Variants in ZNF398 observed in about 807,000 individuals in gnomAD.
ZNF398 encodes the protein zinc finger DNA binding protein ZER6.
A neutral mutation model predicts 41.9 loss-of-function variants in ZNF398; 18 were observed. The ratio of observed to expected loss-of-function variants is 0.43; its 90% CI spans 0.30 to 0.64. The LOEUF is 0.64. Ranked by LOEUF, ZNF398 falls within the 30% of genes least tolerant of loss-of-function variation. ZNF398 has a pLI of 0.14. For missense variants in ZNF398, 669 were observed against 822.8 expected, an observed-to-expected ratio of 0.81 and a Z score of 2.29; for synonymous variants, 260 against 308.8, an observed-to-expected ratio of 0.84 and a Z score of 1.66.
rs150340321 is a variant in ZNF398, at chr7:149,179,558, C to T, written c.1686C>T (p.Thr562=). The stretch of plus-strand genomic sequence containing the variant: ...TAATGAAACACCAGCGCATCCACAC[C>T]GGGGAGCGGCCCTACCCCTGCTCCT... ...HHLMKHQRIH[T]GERPYPCSYC... The change falls in exon 6 of 6, where the codon ACC becomes ACT. Residue 562 remains threonine, a synonymous_variant. Coordinates refer to ENST00000475153, the MANE Select transcript of ZNF398 (RefSeq NM_170686.3). This position sits in a 1 kb window ranked among gnomAD's most constrained non-coding sequence, Gnocchi z 6.1. 35 of 1,614,206 alleles carry T rather than the reference C, an allele frequency of 2.2e-5. No homozygotes were observed. The highest frequency in any genetic ancestry group is 3.3e-4 in the Middle Eastern group (2 of 6,062).
At chr7:149,166,991 A>C (rs1232524018) in intron 4 of ZNF398, 61 bp downstream of exon 4, 12 of 1,230,560 alleles carry the variant, frequency 9.8e-6, no homozygotes, top group Non-Finnish European at 1.4e-5. Context: ...ATGGTGGCTC[A>C]GAGCTAAGCA....
Position 149,171,758 on chromosome 7 carries a change from C to T in ZNF398, c.662-4710C>T, listed in dbSNP as rs572286560. On this transcript the variant is annotated intron_variant, in intron 4 of 5. Coordinates refer to ENST00000475153, the MANE Select transcript of ZNF398 (RefSeq NM_170686.3). ...TGTGATCTTGGCTCACTGCAACCTCCGCCTCCCAGGTTCAAGTGATTCTCC... is the reference window on the plus strand; with the variant it reads ...TGTGATCTTGGCTCACTGCAACCTCTGCCTCCCAGGTTCAAGTGATTCTCC... 4.0e-5 allele frequency among the ~76,000 whole-genome samples: 6 copies of T among 150,926 alleles called. No individual in the cohort carries two copies. The South Asian group carries it at 8.4e-4, about 21-fold the overall frequency.
At chr7:149,176,779 A>G (rs1007449307) in intron 5 of ZNF398, among the ~76,000 whole-genome samples, 198 bp downstream of exon 5, 1 of 152,232 alleles carries the variant, frequency 6.6e-6, no homozygotes, top group Non-Finnish European at 1.5e-5. Context: ...ACACTCTTAC[A>G]TGCAAAGACA....
At chr7:149,132,192 CTCTT>C in intron 2 of ZNF398, among the ~76,000 whole-genome samples, 1 of 109,242 alleles carries the variant, frequency 9.2e-6, no homozygotes, top group Non-Finnish European at 1.8e-5. Context: ...TATTCTCTCT[CTCTT>C]TTTTTTTTTT....
At chr7:149,150,095 A>G (rs980524343) in intron 1 of ZNF398, among the ~76,000 whole-genome samples, 1 of 152,222 alleles carries the variant, frequency 6.6e-6, no homozygotes, top group South Asian at 2.1e-4. Context: ...AGATTTAAAT[A>G]GGATGCAACT....
chr7:149,153,528 A>G (rs1794904809), intron 1 of ZNF398, among the ~76,000 whole-genome samples: 1 of 152,180 alleles, frequency 6.6e-6, no homozygotes, highest in Non-Finnish European at 1.5e-5. Context: ...GTGTGGTTGT[A>G]GTTTGTAAAC....
intron 2 of ZNF398, among the ~76,000 whole-genome samples, chr7:149,161,162 G>A (rs1795099087): frequency 6.6e-6 from 1 of 152,034 alleles, no homozygotes; most frequent in Non-Finnish European, 1.5e-5. Context: ...TCTTTGCTCT[G>A]GCTCCTTGCC....
intron 2 of ZNF398, among the ~76,000 whole-genome samples, chr7:149,130,091 A>T (rs984482988): frequency 6.7e-6 from 1 of 149,626 alleles, no homozygotes; most frequent in African/African-American, 2.5e-5. Flanking sequence ...GAGCCACTGC[A>T]CCCGGCCTAT....
intron 1 of ZNF398, among the ~76,000 whole-genome samples, chr7:149,127,215 C>T (rs1347011436): frequency 1.3e-5 from 2 of 152,082 alleles, no homozygotes; most frequent in African/African-American, 4.8e-5. Flanking sequence ...GAAAATCAAC[C>T]TCGCATTCTG....
At chr7:149,153,005 T>A in intron 1 of ZNF398, among the ~76,000 whole-genome samples, 1 of 151,856 alleles carries the variant, frequency 6.6e-6, no homozygotes, top group East Asian at 1.9e-4. Flanking sequence ...GTGTTACAGA[T>A]GTGCACCATC....
At chr7:149,160,297 G>A (rs879557230) in intron 2 of ZNF398, among the ~76,000 whole-genome samples, 1 of 152,138 alleles carries the variant, frequency 6.6e-6, no homozygotes, top group Non-Finnish European at 1.5e-5. Context: ...CAGATGTGGT[G>A]GTGGGGGCCT....
At chr7:149,177,993 A>G (rs1226761478) in intron 5 of ZNF398, among the ~76,000 whole-genome samples, 5 of 151,750 alleles carry the variant, frequency 3.3e-5, no homozygotes, top group African/African-American at 1.2e-4. Flanking sequence ...CTAAAAATAT[A>G]AAAATTACCT....
upstream of ZNF398, among the ~76,000 whole-genome samples, chr7:149,144,655 C>T (rs1007045020): frequency 2.0e-5 from 3 of 151,524 alleles, no homozygotes; most frequent in Non-Finnish European, 4.4e-5. Context: ...ATGGTGCAAT[C>T]TCCGCTCACT....
chr7:149,127,435 G>A (rs1258974283), intron 1 of ZNF398, among the ~76,000 whole-genome samples: 5 of 151,452 alleles, frequency 3.3e-5, no homozygotes, highest in African/African-American at 1.2e-4. Context: ...GGATGGGCGC[G>A]GTGCCTCACG....
chr7:149,177,593 A>G (rs1585543493), intron 5 of ZNF398, among the ~76,000 whole-genome samples: 1 of 152,126 alleles, frequency 6.6e-6, no homozygotes, highest in African/African-American at 2.4e-5. Flanking sequence ...AAAAGGGAGG[A>G]CAGAGTAAGT....
chr7:149,154,273 AC>A lies in ZNF398; in HGVS notation c.355del (p.Leu119CysfsTer42). 6.2e-7 allele frequency: 1 copy of A among 1,614,090 alleles called. No individual in the cohort carries two copies. Among genetic ancestry groups the A allele is most frequent in the Non-Finnish European group, 8.5e-7 (1 of 1,180,014 alleles). On this transcript the variant is annotated frameshift_variant, in exon 2 of 6. Transcript: ENST00000475153. LOFTEE classifies it high-confidence loss of function. ...CAGAGGCGGCTGGAGAACTTGGAGA[AC>A]CTGCTGCGCAACAGGAACTTCTGGA... Reference protein sequence around the residue: ...LLQRRLENLENLLRNRNFWIL... With the variant: ...LLQRRLENLEXLLRNRNFWIL...
At chr7:149,170,369 C>T (rs369286195) in intron 4 of ZNF398, among the ~76,000 whole-genome samples, 8 of 152,144 alleles carry the variant, frequency 5.3e-5, no homozygotes, top group South Asian at 4.1e-4. Context: ...TACTGTAGGC[C>T]ATTGTAACAC....
intron 2 of ZNF398, among the ~76,000 whole-genome samples, chr7:149,135,389 C>CAAAAAAAAAAAAA (rs777888671): frequency 1.6e-5 from 1 of 61,408 alleles, no homozygotes; most frequent in Non-Finnish European, 3.1e-5. Flanking sequence ...GACTCTGTCT[C>CAAAAAAAAAAAAA]AAAAAAAAAA....
At chr7:149,144,658 C>T (rs1289979173), upstream of ZNF398, among the ~76,000 whole-genome samples, 5 of 151,182 alleles carry the variant, frequency 3.3e-5, no homozygotes, top group African/African-American at 9.7e-5. Context: ...GTGCAATCTC[C>T]GCTCACTGCA....
Sources: gnomAD v4.1 joint callset for allele counts (sites outside exome capture counted in the v4.1 genomes callset) on GRCh38, gnomAD v4.1.1 for gene constraint, Gnocchi (gnomAD v3.1) non-coding constraint, MANE v1.5 for transcripts, NCBI Gene and HGNC (gene_info 2026-07-23, HGNC 2026-07-21) for gene names.